MYO1E: variants seen among roughly 807,000 people sequenced by gnomAD.
MYO1E encodes myosin IE, also known as unconventional myosin-Ie.
MYO1E carries 68 observed loss-of-function variants against 151.1 expected under a neutral mutation model. That is an observed-to-expected ratio of 0.45 (90% CI 0.37 to 0.55). The LOEUF (loss-of-function observed/expected upper bound fraction) is 0.55, where lower values mean the gene tolerates loss of function less well. Ranked by LOEUF, MYO1E falls within the 20% of genes least tolerant of loss-of-function variation. The pLI is 0.00. For synonymous variants in MYO1E, 601 were observed against 501.7 expected, an observed-to-expected ratio of 1.20 and a Z score of -2.64; for missense variants, 1,363 against 1,389.3, an observed-to-expected ratio of 0.98 and a Z score of 0.30.
intron 3 of MYO1E, among the ~76,000 whole-genome samples, chr15:59,257,248 T>C (rs1397242268): frequency 2.0e-5 from 3 of 152,138 alleles, no homozygotes; most frequent in Non-Finnish European, 4.4e-5. Flanking sequence ...AGCTACTTGG[T>C]AGGCTGAGGC....
At chr15:59,288,842 A>G (rs1327206669) in intron 1 of MYO1E, among the ~76,000 whole-genome samples, 3 of 152,246 alleles carry the variant, frequency 2.0e-5, no homozygotes, top group African/African-American at 7.2e-5. Flanking sequence ...GTAGCTGCAG[A>G]GAAGATACAT....
intron 22 of MYO1E, among the ~76,000 whole-genome samples, chr15:59,166,220 G>C (rs1354977030): frequency 6.6e-6 from 1 of 152,196 alleles, no homozygotes; most frequent in Non-Finnish European, 1.5e-5. Flanking sequence ...CAGGGTCTCA[G>C]CTCATTCTGC....
At chr15:59,364,836 CAGA>C (rs375867075) in intron 1 of MYO1E, among the ~76,000 whole-genome samples, 2,445 of 151,900 alleles carry the variant, frequency 0.016, 25 homozygotes, top group Non-Finnish European at 0.026. Flanking sequence ...AACTGGGAGG[CAGA>C]AGGAGGTTAC....
intron 17 of MYO1E, among the ~76,000 whole-genome samples, chr15:59,191,589 G>A (rs1461333713): frequency 1.3e-5 from 2 of 152,018 alleles, no homozygotes; most frequent in Non-Finnish European, 2.9e-5. Context: ...ATTAATTCAA[G>A]CAGAAACGTT....
chr15:59,159,024 AAAC>A lies in MYO1E; in HGVS notation c.2786-648_2786-646del, dbSNP rs746927469. Reference sequence around the variant, plus strand: ...GCAGAGACATCTATGTGGGGAAGAAAAACAATAGGGTCTTGAATGGAACAGGAA... The same window carrying A: ...GCAGAGACATCTATGTGGGGAAGAAAAATAGGGTCTTGAATGGAACAGGAA... On this transcript the variant is annotated intron_variant, in intron 24 of 27. Coordinates refer to ENST00000288235, the MANE Select transcript of MYO1E (RefSeq NM_004998.4). The surrounding 1 kb of genome is among the most constrained non-coding windows in gnomAD (Gnocchi z 4.4). Among the ~76,000 whole-genome samples, 3 of 152,228 alleles carry A rather than the reference AAAC, an allele frequency of 2.0e-5. No individual in the cohort carries two copies. The highest frequency in any genetic ancestry group is 4.4e-5 in the Non-Finnish European group (3 of 68,044).
At chr15:59,312,796 A>G (rs952489679) in intron 1 of MYO1E, among the ~76,000 whole-genome samples, 2 of 152,116 alleles carry the variant, frequency 1.3e-5, no homozygotes, top group African/African-American at 4.8e-5. Flanking sequence ...CGAGGCAGGT[A>G]GATCATGAGG....
At chr15:59,144,674 C>T (rs934472100) in intron 26 of MYO1E, among the ~76,000 whole-genome samples, 1 of 152,120 alleles carries the variant, frequency 6.6e-6, no homozygotes, top group Non-Finnish European at 1.5e-5. Context: ...TCTGTGTCAA[C>T]GAAGCCGTCA....
At chr15:59,324,682 C>A (rs754684862) in intron 1 of MYO1E, among the ~76,000 whole-genome samples, 4 of 146,484 alleles carry the variant, frequency 2.7e-5, no homozygotes, top group Non-Finnish European at 6.0e-5. Context: ...CCACAGAGGG[C>A]AGCATACAGC....
intron 1 of MYO1E, among the ~76,000 whole-genome samples, chr15:59,343,566 T>C (rs1171782822): frequency 6.6e-6 from 1 of 152,174 alleles, no homozygotes; most frequent in Non-Finnish European, 1.5e-5. Context: ...TGGGAAGTTA[T>C]CTTATTATCC....
chr15:59,190,855 C>T (rs1278682830), intron 17 of MYO1E, among the ~76,000 whole-genome samples: 1 of 152,142 alleles, frequency 6.6e-6, no homozygotes, highest in Non-Finnish European at 1.5e-5. Context: ...TTTCACAGCA[C>T]AGGGATTCTC....
chr15:59,146,261 A>T (rs2079440795), intron 26 of MYO1E, among the ~76,000 whole-genome samples: 1 of 152,190 alleles, frequency 6.6e-6, no homozygotes, highest in African/African-American at 2.4e-5. Context: ...AACATCACAG[A>T]ATTGAAAATC....
chr15:59,269,098 G>A (rs1336389205), intron 2 of MYO1E, among the ~76,000 whole-genome samples: 1 of 152,074 alleles, frequency 6.6e-6, no homozygotes, highest in African/African-American at 2.4e-5. Flanking sequence ...GGTTTCTGTG[G>A]CAAAATGCAT....
chr15:59,209,178 A>C (rs868621685), intron 13 of MYO1E, among the ~76,000 whole-genome samples: 1 of 152,220 alleles, frequency 6.6e-6, no homozygotes, highest in Non-Finnish European at 1.5e-5. Flanking sequence ...TTTTCCTTTG[A>C]CCTAATCTAT....
At chr15:59,250,937 G>A (rs988336863) in intron 4 of MYO1E, among the ~76,000 whole-genome samples, 3 of 152,110 alleles carry the variant, frequency 2.0e-5, no homozygotes, top group African/African-American at 7.2e-5. Context: ...AGGGAGACAC[G>A]TGGGCTGCAG....
chr15:59,230,430 TG>T (rs1309049845), intron 6 of MYO1E, among the ~76,000 whole-genome samples: 4 of 151,856 alleles, frequency 2.6e-5, no homozygotes, highest in African/African-American at 4.9e-5. Context: ...TCAATTTAAT[TG>T]TTTTTTTTTT....
chr15:59,338,160 T>TAA (rs11390470), intron 1 of MYO1E, among the ~76,000 whole-genome samples: 32 of 141,860 alleles, frequency 2.3e-4, no homozygotes, highest in East Asian at 7.8e-4. Context: ...TGTTCAAGTC[T>TAA]AAAAAAAAAA....
intron 4 of MYO1E, among the ~76,000 whole-genome samples, chr15:59,237,096 C>T (rs944160675): frequency 6.6e-6 from 1 of 152,028 alleles, no homozygotes; most frequent in African/African-American, 2.4e-5. Context: ...AACATGATTA[C>T]AATTTTTTTT....
chr15:59,254,211 A>C (rs1216823232), intron 4 of MYO1E, among the ~76,000 whole-genome samples: 3 of 152,112 alleles, frequency 2.0e-5, no homozygotes, highest in Non-Finnish European at 4.4e-5. Context: ...AAAACAAAAC[A>C]AAACACCATC....
At chr15:59,220,988 TATATATATAATTATATATATA>T (rs1202424257) in intron 9 of MYO1E, among the ~76,000 whole-genome samples, 3 of 143,444 alleles carry the variant, frequency 2.1e-5, no homozygotes, top group Non-Finnish European at 4.5e-5. Flanking sequence ...CATCTCACAT[TATATATATAATTATATATATA>T]ATATATATAT....
Sources: gnomAD v4.1 joint callset for allele counts (sites outside exome capture counted in the v4.1 genomes callset) on GRCh38, gnomAD v4.1.1 for gene constraint, Gnocchi (gnomAD v3.1) non-coding constraint, MANE v1.5 for transcripts, NCBI Gene and HGNC (gene_info 2026-07-23, HGNC 2026-07-21) for gene names.